Variants in ZNF804B observed in about 807,000 individuals in gnomAD.
ZNF804B encodes zinc finger 804B.
A neutral mutation model predicts 101.4 loss-of-function variants in ZNF804B; 80 were observed. That is an observed-to-expected ratio of 0.79 (90% CI 0.66 to 0.95). ZNF804B has a LOEUF of 0.95. ZNF804B is among the 40% of genes least tolerant of loss of function. The pLI is 0.00. For synonymous variants in ZNF804B, 622 were observed against 558.8 expected (o/e 1.11, Z -1.59); for missense variants, 1,673 against 1,561.9 (o/e 1.07, Z -1.20).
chr7:89,021,340 A>T (rs1788664478), intron 1 of ZNF804B, among the ~76,000 whole-genome samples: 1 of 152,192 alleles, frequency 6.6e-6, no homozygotes, highest in Non-Finnish European at 1.5e-5. Context: ...CCAAGGGTAC[A>T]AACATGAACA....
chr7:89,063,028 T>TA (rs1014606036), intron 1 of ZNF804B, among the ~76,000 whole-genome samples: 41 of 152,260 alleles, frequency 2.7e-4, no homozygotes, highest in African/African-American at 9.6e-4. Context: ...ATAATAGTAA[T>TA]ACTTTATTTC....
chr7:88,979,153 T>A (rs1039704542), intron 1 of ZNF804B, among the ~76,000 whole-genome samples: 8 of 151,982 alleles, frequency 5.3e-5, no homozygotes, highest in African/African-American at 1.9e-4. Context: ...TTATTGTAGT[T>A]ATTATTTTTG....
intron 1 of ZNF804B, among the ~76,000 whole-genome samples, chr7:89,183,425 G>C (rs148326617): frequency 2.0e-5 from 3 of 152,024 alleles, no homozygotes; most frequent in African/African-American, 4.8e-5. Context: ...AGAAGTAATC[G>C]AATTTGGTCT....
chr7:88,763,345 T>G (rs1047307853), intron 1 of ZNF804B, among the ~76,000 whole-genome samples: 1 of 152,116 alleles, frequency 6.6e-6, no homozygotes, highest in South Asian at 2.1e-4. Flanking sequence ...CCCCAAACAG[T>G]TTTTGCAGAT....
chr7:89,124,598 T>C (rs1229731248), intron 1 of ZNF804B, among the ~76,000 whole-genome samples: 2 of 152,120 alleles, frequency 1.3e-5, no homozygotes, highest in African/African-American at 2.4e-5. Context: ...TGAGGCTTAG[T>C]GAGAAGAAGT....
At chr7:89,062,059 G>T (rs374088374) in intron 1 of ZNF804B, among the ~76,000 whole-genome samples, 3 of 151,986 alleles carry the variant, frequency 2.0e-5, no homozygotes, top group Admixed American at 6.6e-5. Context: ...ACTGGATACC[G>T]TATCCAGGAG....
At chr7:89,079,603 A>T (rs1441144732) in intron 1 of ZNF804B, among the ~76,000 whole-genome samples, 1 of 152,060 alleles carries the variant, frequency 6.6e-6, no homozygotes, top group African/African-American at 2.4e-5. Flanking sequence ...CAGTTGGGGC[A>T]GACAGGCATT....
chr7:89,324,636 G>A (rs38967), intron 2 of ZNF804B, among the ~76,000 whole-genome samples: 12,053 of 53,720 alleles, frequency 0.22, 651 homozygotes, highest in Non-Finnish European at 0.3. Context: ...GCATTTTCTT[G>A]CACTGAGTAC....
chr7:88,794,029 G>T, intron 1 of ZNF804B: 1 of 540,398 alleles, frequency 1.9e-6, no homozygotes, highest in Non-Finnish European at 3.0e-6. Flanking sequence ...TTAAAGTTTA[G>T]CTCAACATAC....
chr7:88,811,928 C>G (rs1198204464), intron 1 of ZNF804B, among the ~76,000 whole-genome samples: 1 of 152,052 alleles, frequency 6.6e-6, no homozygotes, highest in African/African-American at 2.4e-5. Context: ...ACATTTATCT[C>G]TGTAACAAAC....
chr7:89,213,089 G>A (rs376519580), intron 1 of ZNF804B, among the ~76,000 whole-genome samples: 1 of 152,140 alleles, frequency 6.6e-6, no homozygotes, highest in South Asian at 2.1e-4. Context: ...TGACATTCAA[G>A]CTAGTCAGGT....
At chr7:89,003,180 G>A (rs893960069) in intron 1 of ZNF804B, among the ~76,000 whole-genome samples, 3 of 151,944 alleles carry the variant, frequency 2.0e-5, no homozygotes, top group Admixed American at 1.3e-4. Flanking sequence ...TAGTACATGC[G>A]TGATTTTGTG....
chr7:89,028,002 T>A (rs1318365334), intron 1 of ZNF804B, among the ~76,000 whole-genome samples: 1 of 152,178 alleles, frequency 6.6e-6, no homozygotes, highest in East Asian at 1.9e-4. Context: ...CTGGAATTTG[T>A]TTGTTCTTGC....
At chr7:89,020,408 A>C (rs996430474) in intron 1 of ZNF804B, among the ~76,000 whole-genome samples, 2 of 152,084 alleles carry the variant, frequency 1.3e-5, no homozygotes, top group African/African-American at 4.8e-5. Flanking sequence ...CTGACCTTTA[A>C]GATTTCTGCT....
At chr7:89,084,817 T>A (rs1239392192) in intron 1 of ZNF804B, among the ~76,000 whole-genome samples, 1 of 152,000 alleles carries the variant, frequency 6.6e-6, no homozygotes, top group Admixed American at 6.6e-5. Flanking sequence ...TTTATATGAT[T>A]TCTATTTTTC....
intron 2 of ZNF804B, among the ~76,000 whole-genome samples, chr7:89,224,132 A>G (rs1484939293): frequency 6.6e-6 from 1 of 152,022 alleles, no homozygotes; most frequent in African/African-American, 2.4e-5. Context: ...ACTCATCTCA[A>G]TTTTGAAAAA....
chr7:89,009,900 T>G (rs1475648020), intron 1 of ZNF804B, among the ~76,000 whole-genome samples: 1 of 152,208 alleles, frequency 6.6e-6, no homozygotes, highest in African/African-American at 2.4e-5. Flanking sequence ...TTAACACATC[T>G]TTCCAAATCC....
rs568095009 is a variant in ZNF804B, at chr7:88,822,677, C to A, written c.108+62593C>A. On this transcript the variant is annotated intron_variant, in intron 1 of 3. Transcript: ENST00000333190. The stretch of plus-strand genomic sequence containing the variant: ...GGTACCATTCAATAGGACTTGACAG[C>A]AGCACCACAATCTTGTAGTGGCATA... Among the ~76,000 whole-genome samples, 7 of 152,292 alleles carry A rather than the reference C, an allele frequency of 4.6e-5. No individual in the cohort carries two copies. In the East Asian group the frequency reaches 1.4e-3, roughly 29 times the overall value.
intron 1 of ZNF804B, among the ~76,000 whole-genome samples, chr7:89,071,261 G>A (rs1455142608): frequency 1.3e-5 from 2 of 152,046 alleles, no homozygotes; most frequent in Admixed American, 6.6e-5. Flanking sequence ...AGGGTTGTCT[G>A]TATTAAATTG....
Sources: allele counts gnomAD v4.1 joint callset (sites outside exome capture counted in the v4.1 genomes callset), GRCh38; gene constraint gnomAD v4.1.1; transcripts MANE v1.5; gene names NCBI Gene and HGNC (gene_info 2026-07-23, HGNC 2026-07-21).